HMGN3: variants seen among roughly 807,000 people sequenced by gnomAD.
HMGN3 encodes high mobility group nucleosome-binding domain-containing protein 3.
HMGN3 carries 6 observed loss-of-function variants against 18.8 expected under a neutral mutation model. The ratio of observed to expected loss-of-function variants is 0.32; its 90% CI spans 0.18 to 0.63. HMGN3 has a LOEUF of 0.63. Ranked by LOEUF, HMGN3 falls within the 30% of genes least tolerant of loss-of-function variation. The probability of loss-of-function intolerance (pLI) is 0.79; values close to 1 mark genes in which losing one functional copy is unlikely to be tolerated. For synonymous variants in HMGN3, 40 were observed against 36.5 expected, an observed-to-expected ratio of 1.10 and a Z score of -0.35; for missense variants, 107 against 114.2, an observed-to-expected ratio of 0.94 and a Z score of 0.29.
chr6:79,215,244 G>A (rs1371408020), intron 1 of HMGN3, among the ~76,000 whole-genome samples: 1 of 152,216 alleles, frequency 6.6e-6, no homozygotes, highest in East Asian at 1.9e-4. Flanking sequence ...AGCAGAAATG[G>A]TGAAAGAACT....
chr6:79,220,590 G>GTA (rs1582430791), intron 1 of HMGN3, among the ~76,000 whole-genome samples: 1 of 152,160 alleles, frequency 6.6e-6, no homozygotes, highest in East Asian at 1.9e-4. Context: ...GGGATTACAG[G>GTA]TGCGTGCCAC....
Position 79,232,918 on chromosome 6 carries a change from T to C in HMGN3, c.15+1628A>G, listed in dbSNP as rs927221266. Among the ~76,000 whole-genome samples the C allele has an allele frequency of 5.9e-5, 9 of 152,232 alleles. No individual in the cohort carries two copies. In the East Asian group the frequency reaches 1.5e-3, roughly 26 times the overall value. ...AAAATGGTGACATCACTTAATATCC[T>C]AATTCTAGTAAAACAGGGCTAGAAA... On this transcript the variant is annotated intron_variant, in intron 1 of 5. Transcript: ENST00000344726.
chr6:79,207,922 A>C (rs1302087846), intron 3 of HMGN3, among the ~76,000 whole-genome samples: 1 of 152,182 alleles, frequency 6.6e-6, no homozygotes, highest in Non-Finnish European at 1.5e-5. Context: ...CTAATCTCTC[A>C]GGAGAGCAGC....
chr6:79,209,672 A>G (rs1410321753), intron 2 of HMGN3, among the ~76,000 whole-genome samples: 4 of 152,234 alleles, frequency 2.6e-5, no homozygotes, highest in African/African-American at 9.6e-5. Flanking sequence ...GTAGGAATCC[A>G]TGCCATAATT....
chr6:79,234,610 G>A (rs1778056378), exon 1 of HMGN3: 2 of 1,597,578 alleles, frequency 1.3e-6, no homozygotes, highest in South Asian at 1.1e-5. Flanking sequence ...TGGAACTGCT[G>A]GCGCCGCCGC....
At position 79,225,153 on chromosome 6, in the gene HMGN3, T is replaced by C. The variant is rs148886544; in HGVS notation, c.15+9393A>G. 4.3e-3 allele frequency among the ~76,000 whole-genome samples: 659 copies of C among 152,298 alleles called. 3 individuals are homozygous for C. Among genetic ancestry groups the C allele is most frequent in the Middle Eastern group, 0.024 (7 of 294 alleles). On this transcript the variant is annotated intron_variant, in intron 1 of 5. Transcript: ENST00000344726. ...CATGCCTTACTTTTCATACCATGAA[T>C]TTCTACAATATAGAACTTAACTAAT...
chr6:79,208,285 T>C (rs2127817173), intron 3 of HMGN3, among the ~76,000 whole-genome samples: 1 of 152,312 alleles, frequency 6.6e-6, no homozygotes, highest in South Asian at 2.1e-4. Context: ...ACTACTTTTG[T>C]TTCAGAGATC....
At chr6:79,225,092 T>C (rs1194159418) in intron 1 of HMGN3, among the ~76,000 whole-genome samples, 1 of 152,234 alleles carries the variant, frequency 6.6e-6, no homozygotes, top group Non-Finnish European at 1.5e-5. Context: ...CACATTTTGA[T>C]AACTTCGTCT....
At position 79,201,800 on chromosome 6, in the gene HMGN3, C is replaced by G. The variant is rs1211948699; in HGVS notation, c.262-74G>C. ...TATAAGCAAAGGAAATTCCACCCACCAACACACACAGTTTTGAACATTTGT... is the reference window on the plus strand; with the variant it reads ...TATAAGCAAAGGAAATTCCACCCACGAACACACACAGTTTTGAACATTTGT... On this transcript the variant is annotated intron_variant, in intron 5 of 5. Coordinates refer to ENST00000344726, the Ensembl canonical transcript of HMGN3. The G allele has an allele frequency of 5.8e-6, 9 of 1,561,604 alleles. No individual in the cohort carries two copies. In the African/African-American group the frequency reaches 1.1e-4, roughly 19 times the overall value.
At chr6:79,218,529 CAAACGTA>C (rs1369245754) in intron 1 of HMGN3, among the ~76,000 whole-genome samples, 2 of 151,978 alleles carry the variant, frequency 1.3e-5, no homozygotes, top group Non-Finnish European at 2.9e-5. Flanking sequence ...ATGAATCTCA[CAAACGTA>C]ATGTTGGGCA....
intron 2 of HMGN3, among the ~76,000 whole-genome samples, chr6:79,212,324 G>A (rs1776734405): frequency 6.6e-6 from 1 of 152,140 alleles, no homozygotes; most frequent in Non-Finnish European, 1.5e-5. Flanking sequence ...GATAACATCT[G>A]TCAATCTGTC....
chr6:79,231,331 T>C lies in HMGN3; in HGVS notation c.15+3215A>G, dbSNP rs1777827646. On this transcript the variant is annotated intron_variant, in intron 1 of 5. Coordinates refer to ENST00000344726, the Ensembl canonical transcript of HMGN3. Reference sequence around the variant, plus strand: ...ATGTCTGGCCAGAACAGTCTAGAACTCAATCACTCATTGTCTCACCACTGA... The same window carrying C: ...ATGTCTGGCCAGAACAGTCTAGAACCCAATCACTCATTGTCTCACCACTGA... Among the ~76,000 whole-genome samples the C allele has an allele frequency of 2.0e-5, 3 of 152,144 alleles. No homozygotes were observed. In the South Asian group the frequency reaches 6.2e-4, roughly 32 times the overall value.
exon 1 of HMGN3, chr6:79,234,552 C>A: frequency 1.2e-6 from 2 of 1,612,214 alleles, no homozygotes; most frequent in Non-Finnish European, 1.7e-6. Flanking sequence ...TTACCTTTCT[C>A]TTCGGCATAA....
chr6:79,215,146 G>C (rs1426606057), intron 1 of HMGN3, 124 bp from the exon 2 acceptor site: 2 of 621,904 alleles, frequency 3.2e-6, no homozygotes, highest in Non-Finnish European at 5.6e-6. Context: ...CAAAGAAAAA[G>C]TAAATTACAA....
At chr6:79,226,362 G>C (rs1260201051) in intron 1 of HMGN3, among the ~76,000 whole-genome samples, 1 of 152,168 alleles carries the variant, frequency 6.6e-6, no homozygotes, top group African/African-American at 2.4e-5. Context: ...TATGTAAAAT[G>C]AGAACGGGAA....
chr6:79,232,756 A>AT (rs1305113311), intron 1 of HMGN3, among the ~76,000 whole-genome samples: 1 of 152,136 alleles, frequency 6.6e-6, no homozygotes, highest in Non-Finnish European at 1.5e-5. Flanking sequence ...CCTACTGTTT[A>AT]TGTAAACAAT....
intron 4 of HMGN3, among the ~76,000 whole-genome samples, chr6:79,203,314 T>A (rs1776243827): frequency 6.6e-6 from 1 of 152,176 alleles, no homozygotes; most frequent in African/African-American, 2.4e-5. Context: ...ATGAACCGCA[T>A]GTTCACGAGG....
chr6:79,221,760 G>A (rs1162315413), intron 1 of HMGN3, among the ~76,000 whole-genome samples: 2 of 152,210 alleles, frequency 1.3e-5, no homozygotes, highest in African/African-American at 4.8e-5. Context: ...AGGAGGCAGA[G>A]AAGTTTAACG....
At chr6:79,220,594 G>A (rs969998993) in intron 1 of HMGN3, among the ~76,000 whole-genome samples, 5 of 152,054 alleles carry the variant, frequency 3.3e-5, no homozygotes, top group Non-Finnish European at 4.4e-5. Context: ...TTACAGGTGC[G>A]TGCCACCACA....
Sources: gnomAD v4.1 joint callset for allele counts (sites outside exome capture counted in the v4.1 genomes callset) on GRCh38, gnomAD v4.1.1 for gene constraint, MANE v1.5 for transcripts, NCBI Gene and HGNC (gene_info 2026-07-23, HGNC 2026-07-21) for gene names.